VPS37A: variants seen among roughly 807,000 people sequenced by gnomAD.
VPS37A encodes VPS37A subunit of ESCRT-I.
A neutral mutation model predicts 49.8 loss-of-function variants in VPS37A; 30 were observed. The ratio of observed to expected loss-of-function variants is 0.60; its 90% confidence interval spans 0.45 to 0.82. The LOEUF (loss-of-function observed/expected upper bound fraction) is 0.82. Ranked by LOEUF, VPS37A falls within the 40% of genes least tolerant of loss-of-function variation. The pLI is 0.00. For missense variants in VPS37A, 593 were observed against 464.4 expected, an observed-to-expected ratio of 1.28 and a Z score of -2.55; for synonymous variants, 195 against 160.6, an observed-to-expected ratio of 1.21 and a Z score of -1.62.
In VPS37A at chr8:17,268,289, C is replaced by G. The variant is rs781647774; in HGVS notation, c.232C>G (p.Pro78Ala). 6.2e-6 allele frequency: 10 copies of G among 1,612,980 alleles called. 1 individual carries two copies. In the South Asian group the frequency reaches 7.7e-5, roughly 12 times the overall value. Residue 78 changes from proline to alanine, a missense_variant, in exon 3 of 12, where the codon CCA (proline) becomes GCA (alanine). By Grantham distance (27) the Pro-to-Ala change is conservative (BLOSUM62 -1). Coordinates refer to ENST00000324849, the MANE Select transcript of VPS37A (RefSeq NM_152415.3). ...LLPPQFPQEK[P>A]VISVYPPIRH... Reference sequence around the variant, plus strand: ...TCCTCCACAGTTTCCTCAGGAAAAACCAGTGATCAGTGTTTATCCACCAAT... The same window carrying G: ...TCCTCCACAGTTTCCTCAGGAAAAAGCAGTGATCAGTGTTTATCCACCAAT...
chr8:17,248,025 TGTGA>T (rs1348563014), intron 1 of VPS37A: 2 of 498,362 alleles, frequency 4.0e-6, no homozygotes, highest in Admixed American at 3.7e-5. Context: ...GTTGTCTTCC[TGTGA>T]GTTTTTCATT....
At chr8:17,265,773 A>G (rs766082324) in intron 1 of VPS37A, 134 bp from the exon 2 acceptor site, 3 of 1,543,586 alleles carry the variant, frequency 1.9e-6, no homozygotes, top group Non-Finnish European at 2.6e-6. Context: ...CCCTCAAGAT[A>G]CAAGTTATGC....
At chr8:17,303,020 C>G (rs1395128696), downstream of VPS37A, among the ~76,000 whole-genome samples, 1 of 151,962 alleles carries the variant, frequency 6.6e-6, no homozygotes, top group African/African-American at 2.4e-5. Flanking sequence ...CAATAAATCC[C>G]TTTTTATCCT....
chr8:17,286,241 TA>T, intron 10 of VPS37A, 105 bp from the exon 11 acceptor site: 3 of 864,654 alleles, frequency 3.5e-6, no homozygotes, highest in Non-Finnish European at 3.5e-6. Flanking sequence ...ATTCAAAACA[TA>T]AAATAATGCC....
At chr8:17,284,679 G>T in intron 10 of VPS37A, 63 bp downstream of exon 10, 2 of 1,506,932 alleles carry the variant, frequency 1.3e-6, no homozygotes, top group Non-Finnish European at 1.8e-6. Flanking sequence ...TATAGAGGAG[G>T]AGAAGCACTG....
the VPS37A span, among the ~76,000 whole-genome samples, chr8:17,316,870 TG>T: frequency 3.3e-5 from 5 of 151,510 alleles, no homozygotes; most frequent in African/African-American, 9.7e-5. Flanking sequence ...GGGGCTGGGG[TG>T]GGGGTGCTGG....
At chr8:17,283,950 A>G (rs1403977491) in intron 9 of VPS37A, among the ~76,000 whole-genome samples, 2 of 152,168 alleles carry the variant, frequency 1.3e-5, no homozygotes, top group Admixed American at 1.3e-4. Flanking sequence ...AAATCTTTCA[A>G]CCCATAAACA....
the VPS37A span, among the ~76,000 whole-genome samples, chr8:17,317,272 G>A: frequency 0.025 from 3,787 of 152,238 alleles, 74 homozygotes; most frequent in Non-Finnish European, 0.038. Context: ...GCATGGGCAG[G>A]CTTTCTTAGC....
At chr8:17,280,326 T>C (rs1814923628) in intron 8 of VPS37A, 29 bp downstream of exon 8, 2 of 1,604,594 alleles carry the variant, frequency 1.2e-6, no homozygotes, top group Non-Finnish European at 1.7e-6. Flanking sequence ...TGAAGAAATT[T>C]ACATAATTTA....
At chr8:17,299,684 C>T (rs1219278525), downstream of VPS37A, 38 of 750,154 alleles carry the variant, frequency 5.1e-5, no homozygotes, top group East Asian at 8.1e-4. Flanking sequence ...GAAATGACTA[C>T]GTCCTCTTCA....
downstream of VPS37A, among the ~76,000 whole-genome samples, chr8:17,306,899 A>G (rs556706046): frequency 1.4e-5 from 2 of 146,488 alleles, no homozygotes; most frequent in East Asian, 2.1e-4. Flanking sequence ...AAGATGGATT[A>G]AAGACTTAAA....
the VPS37A span, among the ~76,000 whole-genome samples, chr8:17,308,089 T>TA: frequency 5.7e-4 from 87 of 152,090 alleles, no homozygotes; most frequent in African/African-American, 2.1e-3. Flanking sequence ...ATAATTGCAT[T>TA]ATGGGAGACT....
chr8:17,268,231 G>A, intron 2 of VPS37A, 27 bp from the exon 3 acceptor site: 2 of 1,503,984 alleles, frequency 1.3e-6, no homozygotes, highest in Non-Finnish European at 1.8e-6. Context: ...CTTTGTTTTT[G>A]TTTTTCATCT....
downstream of VPS37A, chr8:17,299,999 C>G: frequency 6.2e-7 from 1 of 1,614,138 alleles, no homozygotes; most frequent in South Asian, 1.1e-5. Context: ...GCTGACAGAT[C>G]TGGATCTGAA....
chr8:17,315,914 G>A, the VPS37A span, among the ~76,000 whole-genome samples: 2 of 152,192 alleles, frequency 1.3e-5, no homozygotes, highest in Non-Finnish European at 2.9e-5. Flanking sequence ...TTGGGAGGCT[G>A]AGTTGAGAGG....
Position 17,273,300 on chromosome 8 carries a change from G to A in VPS37A, c.417-1433G>A, listed in dbSNP as rs1299132269. ...TTACCCAAATGTGAGCTTATTTGTTGGATAAATTCTAGAAGTGTAATGCAC... is the reference window on the plus strand; with the variant it reads ...TTACCCAAATGTGAGCTTATTTGTTAGATAAATTCTAGAAGTGTAATGCAC... On this transcript the variant is annotated intron_variant, in intron 4 of 11. Transcript: ENST00000324849. 2.6e-5 allele frequency among the ~76,000 whole-genome samples: 4 copies of A among 151,878 alleles called. No homozygotes were observed. In the East Asian group the frequency reaches 7.7e-4, roughly 29 times the overall value.
chr8:17,247,094 G>A lies in VPS37A; in HGVS notation c.-151G>A. On this transcript the variant is annotated 5_prime_UTR_variant, in exon 1 of 12. Coordinates refer to ENST00000324849, the MANE Select transcript of VPS37A (RefSeq NM_152415.3). Reference sequence around the variant, plus strand: ...TGTCCCCCAGAACTCGGGGAGCGCAGGCAGGACAGGCTTAGAGAAGACGCG... The same window carrying A: ...TGTCCCCCAGAACTCGGGGAGCGCAAGCAGGACAGGCTTAGAGAAGACGCG... The A allele has an allele frequency of 9.9e-7, 1 of 1,008,776 alleles. No individual in the cohort carries two copies. The highest frequency in any genetic ancestry group is 1.4e-6 in the Non-Finnish European group (1 of 699,978). The allele number at this position is 1,008,776 out of a possible 1,614,324, so 62.5% of individuals were successfully genotyped here. A position where few individuals can be genotyped will look rare whatever the true frequency, so the allele number is the denominator to read the frequency against.
At chr8:17,307,115 G>T (rs1326863549), downstream of VPS37A, among the ~76,000 whole-genome samples, 2 of 151,898 alleles carry the variant, frequency 1.3e-5, no homozygotes, top group African/African-American at 4.8e-5. Context: ...CTACAAAATG[G>T]GAGAAAATTT....
At chr8:17,269,809 G>A (rs1813809338) in intron 4 of VPS37A, among the ~76,000 whole-genome samples, 1 of 152,098 alleles carries the variant, frequency 6.6e-6, no homozygotes. Flanking sequence ...GTAGCTTCCT[G>A]AATAAAGTCA....
Sources: gnomAD v4.1 joint callset for allele counts (sites outside exome capture counted in the v4.1 genomes callset) on GRCh38, gnomAD v4.1.1 for gene constraint, MANE v1.5 for transcripts, NCBI Gene and HGNC (gene_info 2026-07-23, HGNC 2026-07-21) for gene names.